TRAF7: variants seen among roughly 807,000 people sequenced by gnomAD.
The protein encoded by TRAF7 is E3 ubiquitin-protein ligase TRAF7.
Under a neutral mutation model 89.3 loss-of-function variants are expected in TRAF7, and 45 were observed. The observed-to-expected ratio is 0.50, with a 90% CI of 0.40 to 0.65. The LOEUF is 0.65. Among genes scored for constraint, TRAF7 ranks in the 30% least tolerant of loss-of-function variants. The probability of loss-of-function intolerance (pLI) is 0.00; values close to 1 mark genes in which losing one functional copy is unlikely to be tolerated. For missense variants in TRAF7, 677 were observed against 918.1 expected (o/e 0.74, Z 3.39); for synonymous variants, 406 against 369.2 (o/e 1.10, Z -1.14).
intron 2 of TRAF7, among the ~76,000 whole-genome samples, chr16:2,164,248 G>T (rs899669888): frequency 6.6e-6 from 1 of 150,994 alleles, no homozygotes; most frequent in Non-Finnish European, 1.5e-5. Context: ...GGTTAAGCGT[G>T]TGAGTGCTGC....
chr16:2,175,487 G>A lies in TRAF7; in HGVS notation c.1504-13G>A, dbSNP rs770919445. ...CTTGCCCGCCCAGCCCACAGTTGCA[G>A]CAATCCCTGCAGGTCTGGGACATCG... On this transcript the variant is annotated splice_polypyrimidine_tract_variant and intron_variant, in intron 16 of 20. Transcript: ENST00000326181. The A allele has an allele frequency of 6.2e-7, 1 of 1,612,992 alleles. No individual in the cohort carries two copies. Among genetic ancestry groups the A allele is most frequent in the Non-Finnish European group, 8.5e-7 (1 of 1,179,634 alleles).
rs190128315 is a variant in TRAF7 at position 2,157,097 on chromosome 16, C to T, written c.-39+1239C>T. On this transcript the variant is annotated intron_variant, in intron 1 of 20. Transcript: ENST00000326181. ...ACCTTTCTCACTACCCCTCAGACCC[C>T]TTCCTGGGCACACACAGGCCCCCTA... 2.9e-3 allele frequency among the ~76,000 whole-genome samples: 440 copies of T among 151,594 alleles called. 2 individuals carry two copies. The highest frequency in any genetic ancestry group is 0.01 in the African/African-American group (416 of 41,008).
rs768623972 is a variant in TRAF7 at position 2,172,367 on chromosome 16, G to T, written c.652G>T (p.Ala218Ser). Residue 218 changes from alanine (A) to serine (S), a missense_variant, in exon 8 of 21, where the codon GCC becomes TCC. Ala to Ser is a moderately conservative substitution (Grantham distance 99). Coordinates refer to ENST00000326181, the MANE Select transcript of TRAF7 (RefSeq NM_032271.3). The stretch of plus-strand genomic sequence containing the variant: ...GTGCCCCTTCACCATCAAGCTCAGC[G>T]CCCGGAAGTAAGTGCCCCTCCCTGG... ...RGCPFTIKLS[A>S]RKDHEGSCDY... 1.2e-6 allele frequency: 2 copies of T among 1,611,778 alleles called. No homozygotes were observed. The highest frequency in any genetic ancestry group is 2.2e-5 in the South Asian group (2 of 91,012).
At chr16:2,174,535 G>A (rs1225726037) in intron 14 of TRAF7, among the ~76,000 whole-genome samples, 3 of 152,180 alleles carry the variant, frequency 2.0e-5, no homozygotes, top group Non-Finnish European at 4.4e-5. Context: ...CCAAAGTTGT[G>A]TGTTCCCAAT....
Position 2,163,808 on chromosome 16 carries a change from A to T in TRAF7, c.-38-75A>T. The T allele has an allele frequency of 1.0e-6, 1 of 991,606 alleles. No individual in the cohort carries two copies. Among genetic ancestry groups the T allele is most frequent in the Non-Finnish European group, 1.6e-6 (1 of 642,630 alleles). The allele number at this position is 991,606 out of a possible 1,614,324, so 61.4% of individuals were successfully genotyped here. A position where few individuals can be genotyped will look rare whatever the true frequency, so the allele number is the denominator to read the frequency against. ...ACGGTGCCCCACAGCAGGTCTGCACACTTGCAGCAGCCCGTCTGACTCACA... is the reference window on the plus strand; with the variant it reads ...ACGGTGCCCCACAGCAGGTCTGCACTCTTGCAGCAGCCCGTCTGACTCACA... On this transcript the variant is annotated intron_variant, in intron 1 of 20. Transcript: ENST00000326181. The surrounding 1 kb of genome is among the most constrained non-coding windows in gnomAD (Gnocchi z 4.3).
chr16:2,173,863 G>A (rs575658313), intron 12 of TRAF7, 27 bp downstream of exon 12: 42 of 909,374 alleles, frequency 4.6e-5, no homozygotes, highest in South Asian at 1.3e-4. Context: ...CGTGGCTCCC[G>A]CCCACCCTCC....
At chr16:2,157,004 A>AC (rs2093037752) in intron 1 of TRAF7, among the ~76,000 whole-genome samples, 1 of 151,896 alleles carries the variant, frequency 6.6e-6, no homozygotes, top group Admixed American at 6.6e-5. Context: ...GCTGGAGCCC[A>AC]CCCTGCTCTT....
chr16:2,173,174 C>T lies in TRAF7; in HGVS notation c.795-8C>T, dbSNP rs1240833786. ...CCCGCCAGGCAGGCAGCTGTCCTGT[C>T]CCCGCAGGTGCACGTTCATCGGGAA... On this transcript the variant is annotated splice_region_variant and splice_polypyrimidine_tract_variant and intron_variant, in intron 9 of 20. Coordinates refer to ENST00000326181, the MANE Select transcript of TRAF7 (RefSeq NM_032271.3). 1 of 1,601,518 alleles carries T rather than the reference C, an allele frequency of 6.2e-7. No homozygotes were observed. The highest frequency in any genetic ancestry group is 8.5e-7 in the Non-Finnish European group (1 of 1,175,836).
In TRAF7 at chr16:2,164,155, TGTGTGCGCGCGC is replaced by T. The variant is rs1395320435; in HGVS notation, c.81+156_81+167del. ...GGGGGGTGTGGTGTGTGTGTGTGTG[TGTGTGCGCGCGC>T]GCGCGCGCGCGCGCACGCGTGCGTG... On this transcript the variant is annotated intron_variant, in intron 2 of 20. Transcript: ENST00000326181. Among the ~76,000 whole-genome samples the T allele has an allele frequency of 2.8e-4, 37 of 130,538 alleles. No individual in the cohort carries two copies. In the South Asian group the frequency reaches 6.1e-3, roughly 22 times the overall value. The allele number at this position is 130,538 out of a possible 152,430, so 85.6% of individuals were successfully genotyped here.
At position 2,158,742 on chromosome 16, in the gene TRAF7, C is replaced by T. The variant is rs1200163172; in HGVS notation, c.-39+2884C>T. Among the ~76,000 whole-genome samples the T allele has an allele frequency of 2.3e-5, 2 of 88,196 alleles. No individual in the cohort carries two copies. The highest frequency in any genetic ancestry group is 4.5e-5 in the Non-Finnish European group (2 of 44,356). The allele number at this position is 88,196 out of a possible 152,430, so 57.9% of individuals were successfully genotyped here. On this transcript the variant is annotated intron_variant, in intron 1 of 20. Transcript: ENST00000326181. The surrounding 1 kb of genome is among the most constrained non-coding windows in gnomAD (Gnocchi z 4.7). ...ACACAGGAAGCAAATGAGAACACAG[C>T]GTGGGACTGGGAAGCGTGGGCTCGG...
In TRAF7 at chr16:2,172,391, G is replaced by A; in HGVS notation, c.659+17G>A. 6.2e-7 allele frequency: 1 copy of A among 1,611,358 alleles called. No individual in the cohort carries two copies. The highest frequency in any genetic ancestry group is 8.5e-7 in the Non-Finnish European group (1 of 1,179,334). ...CGCCCGGAAGTAAGTGCCCCTCCCT[G>A]GGCACCTCTGCCTCCCTGGGGGCTG... is the stretch of plus-strand genomic sequence containing the variant. On this transcript the variant is annotated intron_variant, in intron 8 of 20. Transcript: ENST00000326181.
intron 11 of TRAF7, 40 bp downstream of exon 11, chr16:2,173,594 G>C (rs758068678): frequency 9.3e-6 from 15 of 1,604,912 alleles, no homozygotes; most frequent in Admixed American, 1.7e-5. Context: ...TGTGAGACCC[G>C]GGGAGGCCGG....
chr16:2,171,190 C>A (rs1024147211), intron 5 of TRAF7, 74 bp from the exon 6 acceptor site: 16 of 1,260,948 alleles, frequency 1.3e-5, no homozygotes, highest in Non-Finnish European at 1.7e-5. Context: ...GGAGCAAGAG[C>A]GCCTGGGTGC....
In TRAF7 at chr16:2,163,061, C is replaced by G. The variant is rs1468808875; in HGVS notation, c.-38-822C>G. The stretch of plus-strand genomic sequence containing the variant: ...CTGTTGGCTGGGTCTCTTTTTCTCT[C>G]TAATGTTTACCTTCCCCTACTGGTG... On this transcript the variant is annotated intron_variant, in intron 1 of 20. Transcript: ENST00000326181. The surrounding 1 kb of genome is among the most constrained non-coding windows in gnomAD (Gnocchi z 4.3). Among the ~76,000 whole-genome samples, 3 of 152,166 alleles carry G rather than the reference C, an allele frequency of 2.0e-5. No individual in the cohort carries two copies. The highest frequency in any genetic ancestry group is 4.4e-5 in the Non-Finnish European group (3 of 68,004).
At chr16:2,164,167 CGCGCGCGCGCGCGCACGCGTGCGTGTGT>C (rs1567247351) in intron 2 of TRAF7, among the ~76,000 whole-genome samples, 166 bp downstream of exon 2, 1 of 105,666 alleles carries the variant, frequency 9.5e-6, no homozygotes, top group Non-Finnish European at 1.9e-5. Context: ...TGTGCGCGCG[CGCGCGCGCGCGCGCACGCGTGCGTGTGT>C]GGTTGGGGCG....
chr16:2,164,051 G>T, intron 2 of TRAF7, 50 bp downstream of exon 2: 3 of 1,523,508 alleles, frequency 2.0e-6, no homozygotes, highest in South Asian at 2.4e-5. Flanking sequence ...CCCCCAGCAT[G>T]CCCCAGGGAT....
At chr16:2,164,127 G>T in intron 2 of TRAF7, 126 bp downstream of exon 2, 2 of 613,680 alleles carry the variant, frequency 3.3e-6, no homozygotes, top group South Asian at 2.2e-5. Flanking sequence ...GGAGCTCGGT[G>T]GGGGGGGGTG....
In TRAF7 at chr16:2,161,604, T is replaced by C. The variant is rs900177093; in HGVS notation, c.-38-2279T>C. ...ACAGGGAGCTGATGGGTTTGTAAAA[T>C]GCAGGTCAGTGTCTCCTAGTGGCTG... On this transcript the variant is annotated intron_variant, in intron 1 of 20. Transcript: ENST00000326181. The surrounding 1 kb of genome is among the most constrained non-coding windows in gnomAD (Gnocchi z 5.2). 2.6e-5 allele frequency among the ~76,000 whole-genome samples: 4 copies of C among 152,070 alleles called. No homozygotes were observed. The highest frequency in any genetic ancestry group is 6.5e-5 in the Admixed American group (1 of 15,280).
At position 2,168,571 on chromosome 16, in the gene TRAF7, A is replaced by C. The variant is rs1338651305; in HGVS notation, c.231+403A>C. On this transcript the variant is annotated intron_variant, in intron 4 of 20. Transcript: ENST00000326181. This position sits in a 1 kb window ranked among gnomAD's most constrained non-coding sequence, Gnocchi z 4.1. ...TGCTGGGTCCAGGCAGGGTTTGAGG[A>C]GGGGTCCTGATGAGGCGGGGGGAAA... 1 of 170,770 alleles carries C rather than the reference A, an allele frequency of 5.9e-6. No individual in the cohort carries two copies. The highest frequency in any genetic ancestry group is 1.2e-5 in the Non-Finnish European group (1 of 82,324). 10.6% of individuals were successfully genotyped at this position (170,770 alleles called of 1,614,324 possible). A position where few individuals can be genotyped will look rare whatever the true frequency, so the allele number is the denominator to read the frequency against.
Sources: gnomAD v4.1 joint callset for allele counts (sites outside exome capture counted in the v4.1 genomes callset) on GRCh38, gnomAD v4.1.1 for gene constraint, Gnocchi (gnomAD v3.1) non-coding constraint, MANE v1.5 for transcripts, NCBI Gene and HGNC (gene_info 2026-07-23, HGNC 2026-07-21) for gene names.